The following MYO16 variants were observed in gnomAD, a reference collection of about 807,000 sequenced individuals.
MYO16 encodes unconventional myosin-XVI.
In MYO16, 94 loss-of-function variants were observed where a neutral mutation model predicts 205.3. That is an observed-to-expected ratio of 0.46 (90% confidence interval 0.39 to 0.54). The LOEUF is 0.54. MYO16 is among the 20% of genes least tolerant of loss of function. The probability of loss-of-function intolerance (pLI) is 0.00; values close to 1 mark genes in which losing one functional copy is unlikely to be tolerated. For synonymous variants in MYO16, 988 were observed against 954.0 expected (o/e 1.04, Z -0.66); for missense variants, 2,315 against 2,387.5 (o/e 0.97, Z 0.63).
intron 7 of MYO16, among the ~76,000 whole-genome samples, chr13:108,811,770 C>G (rs1299308831): frequency 6.6e-6 from 1 of 152,102 alleles, no homozygotes; most frequent in African/African-American, 2.4e-5. Context: ...TGCCTCTCCC[C>G]TCATCCAGGA....
intron 21 of MYO16, among the ~76,000 whole-genome samples, chr13:109,002,796 C>A (rs899501744): frequency 2.0e-5 from 3 of 152,164 alleles, no homozygotes; most frequent in Non-Finnish European, 2.9e-5. Flanking sequence ...AACACACGCC[C>A]ACATATGCAC....
chr13:108,778,094 A>C (rs1886180875), intron 4 of MYO16, among the ~76,000 whole-genome samples: 1 of 152,162 alleles, frequency 6.6e-6, no homozygotes, highest in African/African-American at 2.4e-5. Context: ...GCAGAGTCCT[A>C]ATATTTACTT....
intron 12 of MYO16, among the ~76,000 whole-genome samples, chr13:108,876,610 G>T (rs1053216477): frequency 1.2e-4 from 18 of 151,334 alleles, no homozygotes; most frequent in Admixed American, 3.9e-4. Flanking sequence ...TCAAAAAGTG[G>T]GTATACCACT....
chr13:108,805,403 T>G (rs1887083325), intron 6 of MYO16, among the ~76,000 whole-genome samples: 1 of 152,184 alleles, frequency 6.6e-6, no homozygotes, highest in Admixed American at 6.5e-5. Context: ...TAAAAATAAA[T>G]GTTTTTGTTA....
intron 9 of MYO16, among the ~76,000 whole-genome samples, chr13:108,836,764 G>T (rs1432435917): frequency 6.6e-6 from 1 of 152,260 alleles, no homozygotes; most frequent in Non-Finnish European, 1.5e-5. Flanking sequence ...CTTGCATGGG[G>T]CCTGTACCCC....
the MYO16 span, among the ~76,000 whole-genome samples, chr13:108,554,967 CAA>C: frequency 6.6e-6 from 1 of 151,260 alleles, no homozygotes; most frequent in Non-Finnish European, 1.5e-5. Context: ...GCAAACTTCT[CAA>C]ATTATACAGA....
intron 1 of MYO16, among the ~76,000 whole-genome samples, chr13:108,607,444 G>T (rs1468911450): frequency 6.6e-6 from 1 of 152,110 alleles, no homozygotes; most frequent in African/African-American, 2.4e-5. Flanking sequence ...TGAATTATGA[G>T]ATCTGATGAT....
At chr13:108,806,918 T>A in intron 7 of MYO16, 114 bp downstream of exon 7, 1 of 787,636 alleles carries the variant, frequency 1.3e-6, no homozygotes, top group East Asian at 3.5e-5. Flanking sequence ...GTAATTTGAC[T>A]TTTAATAGTG....
In MYO16 at chr13:109,181,661, G is replaced by A. The variant is rs1879455526; in HGVS notation, c.5415+2028G>A. Among the ~76,000 whole-genome samples, 3 of 152,138 alleles carry A rather than the reference G, an allele frequency of 2.0e-5. No homozygotes were observed. In the South Asian group the frequency reaches 6.2e-4, roughly 32 times the overall value. ...ATAAAGAAAAGAGAAAATAGAGTCA[G>A]TGATTTGCCAAAGATCATATGGAAA... On this transcript the variant is annotated intron_variant, in intron 34 of 34. Coordinates refer to ENST00000457511, the MANE Select transcript of MYO16 (RefSeq NM_001198950.3).
chr13:108,922,645 G>C (rs1881798127), intron 16 of MYO16, among the ~76,000 whole-genome samples: 1 of 152,214 alleles, frequency 6.6e-6, no homozygotes, highest in African/African-American at 2.4e-5. Context: ...GAGCCTATCA[G>C]GTTCAAACCA....
At chr13:108,533,951 C>G in the MYO16 span, among the ~76,000 whole-genome samples, 2 of 152,144 alleles carry the variant, frequency 1.3e-5, no homozygotes, top group African/African-American at 2.4e-5. Flanking sequence ...CTTCCTCTGC[C>G]CCCTTAGTTT....
At chr13:109,006,838 T>C (rs1480622444) in intron 21 of MYO16, among the ~76,000 whole-genome samples, 1 of 152,014 alleles carries the variant, frequency 6.6e-6, no homozygotes, top group Non-Finnish European at 1.5e-5. Context: ...GAAGTGGGTA[T>C]AGGCAGAGAA....
At chr13:108,767,570 T>TTAAATA (rs1885822361) in intron 4 of MYO16, among the ~76,000 whole-genome samples, 1 of 152,192 alleles carries the variant, frequency 6.6e-6, no homozygotes, top group African/African-American at 2.4e-5. Context: ...GTCTCAGTAT[T>TTAAATA]CTGGGAATAC....
intron 1 of MYO16, among the ~76,000 whole-genome samples, chr13:108,605,956 A>G (rs1300608246): frequency 6.6e-6 from 1 of 152,190 alleles, no homozygotes; most frequent in African/African-American, 2.4e-5. Flanking sequence ...GATATGGACA[A>G]TGAAGTCCAG....
At chr13:108,908,987 A>AAAAATAAAT (rs1555311598) in intron 15 of MYO16, among the ~76,000 whole-genome samples, 1 of 148,920 alleles carries the variant, frequency 6.7e-6, no homozygotes, top group Admixed American at 6.8e-5. Flanking sequence ...AAAATAAAAT[A>AAAAATAAAT]AAATAAATAA....
intron 18 of MYO16, 141 bp downstream of exon 18, chr13:108,961,797 T>G (rs1168810373): frequency 1.5e-6 from 1 of 656,778 alleles, no homozygotes; most frequent in Non-Finnish European, 2.7e-6. Flanking sequence ...GGGGGGAAAT[T>G]GTCTACTTTG....
At chr13:109,006,110 C>G (rs1885379944) in intron 21 of MYO16, among the ~76,000 whole-genome samples, 1 of 152,194 alleles carries the variant, frequency 6.6e-6, no homozygotes, top group Admixed American at 6.5e-5. Context: ...AGGACCAGAA[C>G]ATCTAGAAGG....
the MYO16 span, among the ~76,000 whole-genome samples, chr13:108,508,763 G>T: frequency 6.6e-6 from 1 of 152,190 alleles, no homozygotes; most frequent in Non-Finnish European, 1.5e-5. Flanking sequence ...TATTCTTGAA[G>T]TTGCATTCCC....
At chr13:109,070,963 A>T (rs1450675308) in intron 27 of MYO16, among the ~76,000 whole-genome samples, 1 of 152,154 alleles carries the variant, frequency 6.6e-6, no homozygotes, top group Non-Finnish European at 1.5e-5. Flanking sequence ...TCCACAGAAT[A>T]CTCATGGCAT....
Sources: gnomAD v4.1 joint callset for allele counts (sites outside exome capture counted in the v4.1 genomes callset) on GRCh38, gnomAD v4.1.1 for gene constraint, MANE v1.5 for transcripts, NCBI Gene and HGNC (gene_info 2026-07-23, HGNC 2026-07-21) for gene names.